The following GRXCR1 variants were observed in gnomAD, a reference collection of about 807,000 sequenced individuals.
The protein encoded by GRXCR1 is glutaredoxin and cysteine rich domain containing 1.
In GRXCR1, 27 loss-of-function variants were observed where a neutral mutation model predicts 27.3. The observed-to-expected ratio is 0.99, with a 90% confidence interval of 0.73 to 1.37. GRXCR1 has a LOEUF of 1.37. GRXCR1 is among the 40% of genes most tolerant of loss of function. GRXCR1 has a pLI of 0.00. For synonymous variants in GRXCR1, 122 were observed against 131.1 expected, an observed-to-expected ratio of 0.93 and a Z score of 0.47; for missense variants, 379 against 354.4, an observed-to-expected ratio of 1.07 and a Z score of -0.56.
chr4:42,917,187 A>G (rs1259193266), intron 1 of GRXCR1, among the ~76,000 whole-genome samples: 1 of 152,074 alleles, frequency 6.6e-6, no homozygotes. Flanking sequence ...TTCTCTGTCT[A>G]TCTATTTATC....
At chr4:42,932,022 C>G (rs1000295201) in intron 1 of GRXCR1, among the ~76,000 whole-genome samples, 2 of 151,872 alleles carry the variant, frequency 1.3e-5, no homozygotes, top group Non-Finnish European at 2.9e-5. Flanking sequence ...CACTATCAGG[C>G]AAACAGCACG....
At chr4:43,026,163 G>A (rs1175924819) in intron 3 of GRXCR1, among the ~76,000 whole-genome samples, 1 of 152,008 alleles carries the variant, frequency 6.6e-6, no homozygotes, top group Non-Finnish European at 1.5e-5. Flanking sequence ...TGTTCTTTGG[G>A]AAATTCCTAG....
At position 42,939,186 on chromosome 4, in the gene GRXCR1, A is replaced by T. The variant is rs556138760; in HGVS notation, c.385-23706A>T. ...GTGTCCTCTTCAATTTCTTGCATCA[A>T]TGTTTTGTAGTTTTCATTGTGGAGA... On this transcript the variant is annotated intron_variant, in intron 1 of 3. Transcript: ENST00000399770. 2.6e-5 allele frequency among the ~76,000 whole-genome samples: 4 copies of T among 151,986 alleles called. No homozygotes were observed. In the South Asian group the frequency reaches 8.3e-4, roughly 32 times the overall value.
chr4:43,011,404 G>A (rs761149447), intron 2 of GRXCR1, among the ~76,000 whole-genome samples: 4 of 152,100 alleles, frequency 2.6e-5, no homozygotes, highest in African/African-American at 4.8e-5. Flanking sequence ...TTCCTCCTGA[G>A]GCATAGTTTT....
chr4:43,001,943 T>A (rs1419807391), intron 2 of GRXCR1, among the ~76,000 whole-genome samples: 1 of 152,270 alleles, frequency 6.6e-6, no homozygotes. Context: ...GAAGATACTA[T>A]GCCTAGATGT....
At chr4:43,020,063 T>C (rs1010034743) in intron 2 of GRXCR1, among the ~76,000 whole-genome samples, 1 of 151,962 alleles carries the variant, frequency 6.6e-6, no homozygotes, top group Non-Finnish European at 1.5e-5. Context: ...TCCTGAAGAG[T>C]ATGCTGGCCC....
chr4:42,904,991 C>T (rs1746553283), intron 1 of GRXCR1, among the ~76,000 whole-genome samples: 1 of 152,138 alleles, frequency 6.6e-6, no homozygotes. Context: ...TCCTGGGCCA[C>T]TCCGTAAAAG....
intron 1 of GRXCR1, among the ~76,000 whole-genome samples, chr4:42,938,252 T>A (rs1260207443): frequency 6.6e-6 from 1 of 151,984 alleles, no homozygotes; most frequent in African/African-American, 2.4e-5. Context: ...AGTGACAGGA[T>A]CTCATTCTTT....
intron 2 of GRXCR1, among the ~76,000 whole-genome samples, chr4:43,018,364 C>T (rs1712996945): frequency 6.6e-6 from 1 of 152,190 alleles, no homozygotes; most frequent in Non-Finnish European, 1.5e-5. Context: ...GCACTCATTA[C>T]ACCACCTGTA....
intron 2 of GRXCR1, among the ~76,000 whole-genome samples, chr4:43,015,418 G>A (rs1471323474): frequency 2.6e-5 from 4 of 152,138 alleles, no homozygotes; most frequent in Non-Finnish European, 5.9e-5. Context: ...ACTGGTAGTG[G>A]TTGGATGTAG....
At chr4:42,950,753 C>T (rs1747864525) in intron 1 of GRXCR1, among the ~76,000 whole-genome samples, 2 of 152,078 alleles carry the variant, frequency 1.3e-5, no homozygotes, top group Admixed American at 6.6e-5. Flanking sequence ...TATTAGAGAA[C>T]AGAAAACCTA....
intron 2 of GRXCR1, among the ~76,000 whole-genome samples, chr4:43,001,876 A>C (rs1712375879): frequency 6.6e-6 from 1 of 152,206 alleles, no homozygotes; most frequent in African/African-American, 2.4e-5. Context: ...GATAATAAGG[A>C]GAAGGTCAGC....
Position 42,958,775 on chromosome 4 carries a change from C to T in GRXCR1, c.385-4117C>T, listed in dbSNP as rs779669522. 5.3e-5 allele frequency among the ~76,000 whole-genome samples: 8 copies of T among 151,788 alleles called. No homozygotes were observed. In the South Asian group the frequency reaches 6.2e-4, roughly 12 times the overall value. ...CAGATGACCAGAATAGATATTTCTCCGAAGAAGACATACAAATAGCCAAGA... is the reference window on the plus strand; with the variant it reads ...CAGATGACCAGAATAGATATTTCTCTGAAGAAGACATACAAATAGCCAAGA... On this transcript the variant is annotated intron_variant, in intron 1 of 3. Transcript: ENST00000399770.
At chr4:42,907,465 C>T (rs1746622598) in intron 1 of GRXCR1, among the ~76,000 whole-genome samples, 1 of 152,180 alleles carries the variant, frequency 6.6e-6, no homozygotes, top group Non-Finnish European at 1.5e-5. Context: ...CTCCTCTTAG[C>T]TAGCACTTCT....
intron 2 of GRXCR1, among the ~76,000 whole-genome samples, chr4:43,007,104 G>T (rs1577942396): frequency 1.3e-5 from 2 of 152,294 alleles, no homozygotes; most frequent in East Asian, 3.9e-4. Context: ...AATAGATTCT[G>T]GGATTGACAG....
intron 1 of GRXCR1, among the ~76,000 whole-genome samples, chr4:42,962,072 C>T (rs1009605229): frequency 2.6e-5 from 4 of 151,950 alleles, no homozygotes; most frequent in Admixed American, 1.3e-4. Context: ...CCTGGTATGG[C>T]TCTTCAGCAC....
intron 2 of GRXCR1, among the ~76,000 whole-genome samples, chr4:42,998,752 T>C (rs1460633261): frequency 2.6e-5 from 4 of 152,226 alleles, no homozygotes; most frequent in Admixed American, 2.0e-4. Context: ...AATAATTACC[T>C]CTGAAAATGG....
intron 3 of GRXCR1, among the ~76,000 whole-genome samples, chr4:43,028,958 A>G (rs1189873423): frequency 1.3e-5 from 2 of 152,200 alleles, no homozygotes; most frequent in Non-Finnish European, 2.9e-5. Context: ...GAGATATTAT[A>G]TGAGTTTAGC....
chr4:42,973,243 C>T (rs1221411995), intron 2 of GRXCR1, among the ~76,000 whole-genome samples: 1 of 152,164 alleles, frequency 6.6e-6, no homozygotes, highest in Non-Finnish European at 1.5e-5. Context: ...AGAAAATCCC[C>T]AAACCATAAC....
Sources: gnomAD v4.1 joint callset for allele counts (sites outside exome capture counted in the v4.1 genomes callset) on GRCh38, gnomAD v4.1.1 for gene constraint, MANE v1.5 for transcripts, NCBI Gene and HGNC (gene_info 2026-07-23, HGNC 2026-07-21) for gene names.